The following CCDC12 variants were observed in gnomAD, a reference collection of about 807,000 sequenced individuals.
The protein encoded by CCDC12 is coiled-coil domain-containing protein 12.
Under a neutral mutation model 25.7 loss-of-function variants are expected in CCDC12, and 28 were observed. That is an observed-to-expected ratio of 1.09 (90% CI 0.81 to 1.50). CCDC12 has a LOEUF of 1.50. Among genes scored for constraint, CCDC12 ranks in the 40% most tolerant of loss-of-function variants. The pLI is 0.00. For synonymous variants in CCDC12, 75 were observed against 87.7 expected (o/e 0.86, Z 0.81); for missense variants, 198 against 210.0 (o/e 0.94, Z 0.35).
intron 1 of CCDC12, among the ~76,000 whole-genome samples, chr3:46,943,978 C>T (rs1345990221): frequency 6.6e-6 from 1 of 152,174 alleles, no homozygotes; most frequent in East Asian, 1.9e-4. Flanking sequence ...TGGGCATTCA[C>T]GGGAAGGAAA....
intron 1 of CCDC12, among the ~76,000 whole-genome samples, chr3:46,950,063 G>A (rs2034056277): frequency 1.3e-5 from 2 of 150,776 alleles, no homozygotes; most frequent in South Asian, 4.2e-4. Context: ...AAAACTGCCT[G>A]CTGACATCTT....
intron 1 of CCDC12, among the ~76,000 whole-genome samples, chr3:46,953,004 T>G (rs954805327): frequency 3.9e-5 from 6 of 152,076 alleles, no homozygotes; most frequent in Non-Finnish European, 7.4e-5. Context: ...TGGTTTCAAG[T>G]GTGTCTAGGG....
At chr3:46,938,248 G>GA (rs1475904010) in intron 2 of CCDC12, among the ~76,000 whole-genome samples, 2 of 152,184 alleles carry the variant, frequency 1.3e-5, no homozygotes, top group Non-Finnish European at 2.9e-5. Context: ...TCAGGACAGG[G>GA]CCTCAGAGCA....
At chr3:46,943,794 C>T (rs1180080007) in intron 1 of CCDC12, among the ~76,000 whole-genome samples, 1 of 152,172 alleles carries the variant, frequency 6.6e-6, no homozygotes, top group Non-Finnish European at 1.5e-5. Context: ...CTGCAGACAG[C>T]ATGAGGTTAA....
intron 1 of CCDC12, among the ~76,000 whole-genome samples, chr3:46,961,423 T>A (rs952149513): frequency 6.6e-6 from 1 of 152,164 alleles, no homozygotes; most frequent in Admixed American, 6.5e-5. Context: ...ATATTTCTAG[T>A]CAGAACACCC....
At chr3:46,968,935 C>T (rs1004401964) in intron 1 of CCDC12, among the ~76,000 whole-genome samples, 4 of 152,186 alleles carry the variant, frequency 2.6e-5, no homozygotes, top group African/African-American at 9.7e-5. Flanking sequence ...GGATGGAACA[C>T]GATTCTGCCA....
chr3:46,945,855 A>G (rs1476566304), intron 1 of CCDC12, among the ~76,000 whole-genome samples: 1 of 152,170 alleles, frequency 6.6e-6, no homozygotes, highest in Non-Finnish European at 1.5e-5. Context: ...ACTGATATTG[A>G]TAATTTGTGT....
intron 5 of CCDC12, 49 bp from the exon 6 acceptor site, chr3:46,922,361 G>A (rs1432477296): frequency 6.3e-7 from 1 of 1,598,044 alleles, no homozygotes; most frequent in African/African-American, 1.3e-5. Flanking sequence ...CTGGCCTGAT[G>A]TGGCATTGGG....
intron 2 of CCDC12, among the ~76,000 whole-genome samples, chr3:46,925,823 G>A (rs111694785): frequency 1.1e-4 from 16 of 152,346 alleles, no homozygotes; most frequent in African/African-American, 3.6e-4. Flanking sequence ...CATTCACAGG[G>A]TGTCTCTCCT....
chr3:46,947,110 T>A (rs2033937744), intron 1 of CCDC12, among the ~76,000 whole-genome samples: 1 of 152,310 alleles, frequency 6.6e-6, no homozygotes, highest in African/African-American at 2.4e-5. Flanking sequence ...ACGCCTGCTA[T>A]AATGTCCATG....
intron 1 of CCDC12, among the ~76,000 whole-genome samples, chr3:46,947,989 G>A (rs756665678): frequency 6.6e-6 from 1 of 152,254 alleles, no homozygotes. Context: ...AATCAGGCCA[G>A]GGCAGGAAGG....
rs1030903953 is a variant in CCDC12, at chr3:46,922,566, A to T, written c.342-254T>A. 4 of 559,522 alleles carry T rather than the reference A, an allele frequency of 7.1e-6. No individual in the cohort carries two copies. In the Admixed American group the frequency reaches 1.2e-4, roughly 17 times the overall value. 34.7% of individuals were successfully genotyped at this position (559,522 alleles called of 1,614,324 possible). A position where few individuals can be genotyped will look rare whatever the true frequency, so the allele number is the denominator to read the frequency against. ...AACACAAGGGACTGAGCTAAGGCAA[A>T]GGTGGATGGTTTCTCAGAGACCCTC... On this transcript the variant is annotated intron_variant, in intron 5 of 6. Transcript: ENST00000683445.
intron 1 of CCDC12, among the ~76,000 whole-genome samples, chr3:46,974,979 C>G (rs1180960802): frequency 6.6e-6 from 1 of 152,152 alleles, no homozygotes; most frequent in Non-Finnish European, 1.5e-5. Context: ...GTCCCAAGTC[C>G]AGGTAAAAAA....
intron 1 of CCDC12, among the ~76,000 whole-genome samples, chr3:46,949,165 G>A (rs1003802295): frequency 3.9e-5 from 6 of 152,210 alleles, no homozygotes; most frequent in Non-Finnish European, 8.8e-5. Flanking sequence ...AAAAGGGAAG[G>A]TGTCAACAGC....
intron 2 of CCDC12, among the ~76,000 whole-genome samples, chr3:46,934,956 TA>T (rs2033385902): frequency 6.6e-6 from 1 of 152,206 alleles, no homozygotes; most frequent in Admixed American, 6.5e-5. Context: ...TGATCTGTGA[TA>T]CACCCTGGTG....
intron 2 of CCDC12, among the ~76,000 whole-genome samples, chr3:46,926,343 C>A (rs1009133945): frequency 1.2e-4 from 18 of 152,180 alleles, no homozygotes; most frequent in Admixed American, 6.5e-5. Context: ...ATAGGCATGA[C>A]CATGTGCAAG....
chr3:46,942,944 C>G (rs1394818826), intron 1 of CCDC12, among the ~76,000 whole-genome samples: 1 of 151,962 alleles, frequency 6.6e-6, no homozygotes, highest in East Asian at 1.9e-4. Context: ...GTCTGAAGAG[C>G]ATGCAGGTGA....
intron 1 of CCDC12, among the ~76,000 whole-genome samples, chr3:46,948,074 T>C (rs1336576660): frequency 6.6e-6 from 1 of 152,196 alleles, no homozygotes; most frequent in African/African-American, 2.4e-5. Context: ...GAAGCTCCCA[T>C]GCCCATCATC....
At chr3:46,944,713 T>C (rs1456934555) in intron 1 of CCDC12, among the ~76,000 whole-genome samples, 1 of 151,170 alleles carries the variant, frequency 6.6e-6, no homozygotes, top group African/African-American at 2.4e-5. Context: ...CTCTGGAGAA[T>C]ACAGCTGCCT....
Sources: allele counts gnomAD v4.1 joint callset (sites outside exome capture counted in the v4.1 genomes callset), GRCh38; gene constraint gnomAD v4.1.1; transcripts MANE v1.5; gene names NCBI Gene and HGNC (gene_info 2026-07-23, HGNC 2026-07-21).